The following TMEM178B variants were observed in gnomAD, a reference collection of about 807,000 sequenced individuals.
TMEM178B encodes transmembrane protein 178B.
Under a neutral mutation model 31.0 loss-of-function variants are expected in TMEM178B, and 5 were observed. The observed-to-expected ratio is 0.16, with a 90% CI of 0.08 to 0.34. The LOEUF (loss-of-function observed/expected upper bound fraction) is 0.34. Ranked by LOEUF, TMEM178B falls within the 10% of genes least tolerant of loss-of-function variation. The probability of loss-of-function intolerance (pLI) is 1.00; values close to 1 mark genes in which losing one functional copy is unlikely to be tolerated. For synonymous variants in TMEM178B, 164 were observed against 164.0 expected, an observed-to-expected ratio of 1.00 and a Z score of 0.00; for missense variants, 275 against 400.3, an observed-to-expected ratio of 0.69 and a Z score of 2.67.
chr7:141,420,759 C>G (rs1255663740), intron 2 of TMEM178B, among the ~76,000 whole-genome samples: 1 of 152,252 alleles, frequency 6.6e-6, no homozygotes. Context: ...ATTTATGGTT[C>G]CTCAGCCTTC....
intron 2 of TMEM178B, among the ~76,000 whole-genome samples, chr7:141,394,304 G>A (rs535299741): frequency 6.6e-6 from 1 of 152,326 alleles, no homozygotes; most frequent in East Asian, 1.9e-4. Flanking sequence ...CAAGAAATTA[G>A]GCTTTGGGCC....
At chr7:141,374,408 GACA>G (rs1563165164) in intron 2 of TMEM178B, among the ~76,000 whole-genome samples, 2 of 152,086 alleles carry the variant, frequency 1.3e-5, no homozygotes, top group Non-Finnish European at 2.9e-5. Context: ...ACGCAGCATA[GACA>G]ACACTCACAC....
chr7:141,245,858 A>G (rs927948212), intron 2 of TMEM178B, among the ~76,000 whole-genome samples: 1 of 152,224 alleles, frequency 6.6e-6, no homozygotes, highest in Non-Finnish European at 1.5e-5. Flanking sequence ...TCCGTGATAG[A>G]AATGTTATTG....
chr7:141,135,540 T>C (rs1307920079), intron 1 of TMEM178B, among the ~76,000 whole-genome samples: 1 of 152,170 alleles, frequency 6.6e-6, no homozygotes, highest in Non-Finnish European at 1.5e-5. Flanking sequence ...TCTTCTCAGA[T>C]CACCGTGGAA....
intron 1 of TMEM178B, among the ~76,000 whole-genome samples, chr7:141,206,475 G>A (rs1021836115): frequency 6.6e-6 from 1 of 152,170 alleles, no homozygotes; most frequent in Non-Finnish European, 1.5e-5. Flanking sequence ...CCTACCCTCT[G>A]GCTTCTAGTT....
rs1422720656 is a variant in TMEM178B, at chr7:141,184,720, A to G, written c.383-27871A>G. ...CGGAGCTTGGGGGAACTCCAAAGCAACACATCCCCCTGCATTTGGAATCCC... is the reference window on the plus strand; with the variant it reads ...CGGAGCTTGGGGGAACTCCAAAGCAGCACATCCCCCTGCATTTGGAATCCC... On this transcript the variant is annotated intron_variant, in intron 1 of 3. Coordinates refer to ENST00000565468, the MANE Select transcript of TMEM178B (RefSeq NM_001195278.2). 5.9e-5 allele frequency among the ~76,000 whole-genome samples: 9 copies of G among 152,188 alleles called. 1 individual carries two copies. In the South Asian group the frequency reaches 1.9e-3, roughly 32 times the overall value.
chr7:141,109,762 A>C (rs1211485769), intron 1 of TMEM178B, among the ~76,000 whole-genome samples: 2 of 152,156 alleles, frequency 1.3e-5, no homozygotes, highest in Non-Finnish European at 2.9e-5. Context: ...GCTTTTGATG[A>C]CACTAACACA....
rs965399192 is a variant in TMEM178B, at chr7:141,475,766, T to TTTCC, written c.*4991_*4994dup. ...TGTCTCTTTGGGCCTGTCTGCCTGC[T>TTTCC]TTCCTTCCTTCCTTTTCTTTCCTTT... On this transcript the variant is annotated 3_prime_UTR_variant, in exon 4 of 4. Coordinates refer to ENST00000565468, the MANE Select transcript of TMEM178B (RefSeq NM_001195278.2). 1 of 151,026 alleles carries TTTCC rather than the reference T, an allele frequency of 6.6e-6. No individual in the cohort carries two copies. Among genetic ancestry groups the TTTCC allele is most frequent in the African/African-American group, 2.5e-5 (1 of 40,518 alleles). The allele number at this position is 151,026 out of a possible 1,614,324, so 9.4% of individuals were successfully genotyped here. A position where few individuals can be genotyped will look rare whatever the true frequency, so the allele number is the denominator to read the frequency against.
chr7:141,479,520 G>A lies in TMEM178B; in HGVS notation c.*8734G>A, dbSNP rs890547775. On this transcript the variant is annotated 3_prime_UTR_variant, in exon 4 of 4. Transcript: ENST00000565468. ...ACCTCTTTTGTTTGTGAAAAAGATA[G>A]GTATCGAGATCTTAATGGAGAGAAC... 2.6e-5 allele frequency: 4 copies of A among 152,184 alleles called. No individual in the cohort carries two copies. Among genetic ancestry groups the A allele is most frequent in the Non-Finnish European group, 5.9e-5 (4 of 68,024 alleles). The allele number at this position is 152,184 out of a possible 1,614,324, so 9.4% of individuals were successfully genotyped here.
intron 1 of TMEM178B, among the ~76,000 whole-genome samples, chr7:141,186,425 C>T (rs1469354565): frequency 1.3e-5 from 2 of 152,198 alleles, no homozygotes; most frequent in African/African-American, 4.8e-5. Context: ...CCTGCCCTTC[C>T]TCTCGGGGCC....
At chr7:141,295,675 G>T (rs1364725769) in intron 2 of TMEM178B, among the ~76,000 whole-genome samples, 1 of 152,114 alleles carries the variant, frequency 6.6e-6, no homozygotes, top group Admixed American at 6.5e-5. Context: ...TCTGCAGGGG[G>T]CCAATTCCTC....
intron 2 of TMEM178B, among the ~76,000 whole-genome samples, chr7:141,244,319 T>C (rs546929479): frequency 6.6e-5 from 10 of 152,326 alleles, no homozygotes; most frequent in South Asian, 2.1e-4. Context: ...AATGATACTA[T>C]GGCAAATAAA....
At chr7:141,285,100 T>G (rs1798423825) in intron 2 of TMEM178B, among the ~76,000 whole-genome samples, 1 of 151,294 alleles carries the variant, frequency 6.6e-6, no homozygotes, top group Non-Finnish European at 1.5e-5. Flanking sequence ...TATCACCAGT[T>G]TTTCCACTAA....
chr7:141,307,743 A>G (rs1798839178), intron 2 of TMEM178B, among the ~76,000 whole-genome samples: 1 of 152,230 alleles, frequency 6.6e-6, no homozygotes, highest in African/African-American at 2.4e-5. Context: ...TTTTCTAGGA[A>G]ACCAACCCAT....
Position 141,074,358 on chromosome 7 carries a change from C to G in TMEM178B, c.48C>G (p.Leu16=), listed in dbSNP as rs1586753503. The G allele has an allele frequency of 2.0e-6, 3 of 1,536,108 alleles. No homozygotes were observed. Among genetic ancestry groups the G allele is most frequent in the East Asian group, 2.4e-5 (1 of 40,914 alleles). The part of the protein sequence containing the change: ...LLLYTGLSLA[L]CALGMLAVAI... ...TCTACACTGGCCTCTCGCTAGCGCT[C>G]TGCGCCCTCGGCATGCTGGCCGTGG... The change falls in exon 1 of 4, where the codon CTC becomes CTG. Residue 16 remains leucine (L), a synonymous_variant. Transcript: ENST00000565468. This position sits in a 1 kb window ranked among gnomAD's most constrained non-coding sequence, Gnocchi z 5.1.
chr7:141,354,597 G>T (rs746013685), intron 2 of TMEM178B, among the ~76,000 whole-genome samples: 1 of 152,112 alleles, frequency 6.6e-6, no homozygotes, highest in African/African-American at 2.4e-5. Context: ...GTATTCTTTC[G>T]TATCCCCTTC....
At chr7:141,412,818 C>G (rs1395001916) in intron 2 of TMEM178B, among the ~76,000 whole-genome samples, 1 of 152,144 alleles carries the variant, frequency 6.6e-6, no homozygotes, top group Non-Finnish European at 1.5e-5. Flanking sequence ...TGCTATTAAT[C>G]CCATTTTACA....
intron 2 of TMEM178B, among the ~76,000 whole-genome samples, chr7:141,231,386 G>A (rs1223735558): frequency 1.3e-5 from 2 of 151,792 alleles, no homozygotes; most frequent in African/African-American, 2.4e-5. Context: ...GTACAAAAAT[G>A]TAATTAGATT....
chr7:141,094,684 G>A (rs565132785), intron 1 of TMEM178B, among the ~76,000 whole-genome samples: 3 of 152,326 alleles, frequency 2.0e-5, no homozygotes, highest in South Asian at 4.1e-4. Context: ...GCTATCTCCT[G>A]TAGGGATCCT....
Sources: gnomAD v4.1 joint callset for allele counts (sites outside exome capture counted in the v4.1 genomes callset) on GRCh38, gnomAD v4.1.1 for gene constraint, Gnocchi (gnomAD v3.1) non-coding constraint, MANE v1.5 for transcripts, NCBI Gene and HGNC (gene_info 2026-07-23, HGNC 2026-07-21) for gene names.